METTL17: variants seen among roughly 807,000 people sequenced by gnomAD.
The protein encoded by METTL17 is ribosome assembly protein METTL17, mitochondrial.
METTL17 carries 49 observed loss-of-function variants against 59.4 expected under a neutral mutation model. The ratio of observed to expected loss-of-function variants is 0.82; its 90% CI spans 0.66 to 1.05. METTL17 has a LOEUF of 1.05. Ranked by LOEUF, METTL17 falls within the 50% of genes least tolerant of loss-of-function variation. METTL17 has a pLI of 0.00. For missense variants in METTL17, 555 were observed against 578.4 expected (o/e 0.96, Z 0.41); for synonymous variants, 208 against 209.2 (o/e 0.99, Z 0.05).
rs1010435727 is a variant in METTL17 at position 20,995,885 on chromosome 14, T to A, written c.946-16T>A. ...CCTTGGCCCAGCTTTATTTCTTTTA[T>A]TTCCTTTGATTTCAGGGAAAAGAGA... On this transcript the variant is annotated splice_polypyrimidine_tract_variant and intron_variant, in intron 10 of 13. Coordinates refer to ENST00000339374, the MANE Select transcript of METTL17 (RefSeq NM_022734.3). 48 of 1,613,222 alleles carry A rather than the reference T, an allele frequency of 3.0e-5. No individual in the cohort carries two copies. The highest frequency in any genetic ancestry group is 3.6e-5 in the Non-Finnish European group (43 of 1,179,276).
intron 10 of METTL17, among the ~76,000 whole-genome samples, 200 bp downstream of exon 10, chr14:20,995,433 C>T (rs892930192): frequency 6.6e-6 from 1 of 152,188 alleles, no homozygotes; most frequent in Non-Finnish European, 1.5e-5. Flanking sequence ...TTTATATAAG[C>T]CATGCTTATT....
At chr14:20,990,693 GTC>G in intron 3 of METTL17, 95 bp downstream of exon 3, 1 of 1,470,132 alleles carries the variant, frequency 6.8e-7, no homozygotes, top group Non-Finnish European at 9.2e-7. Context: ...AGATACTGAA[GTC>G]TCTTATTTGA....
Position 20,992,158 on chromosome 14 carries a change from A to C in METTL17, c.399A>C (p.Ala133=). The change falls in exon 4 of 14, where the codon GCA becomes GCC. Residue 133 remains alanine (A), a synonymous_variant. Transcript: ENST00000339374. ...AGACAGAGGAGAAACTTCGTGGAGC[A>C]GTGCTACACGCACTACGTAAAACTA... is the stretch of plus-strand genomic sequence containing the variant. ...LSQTEEKLRG[A]VLHALRKTTY... The C allele has an allele frequency of 6.2e-7, 1 of 1,612,714 alleles. No homozygotes were observed. The highest frequency in any genetic ancestry group is 8.5e-7 in the Non-Finnish European group (1 of 1,179,624).
chr14:20,994,150 G>T (rs1880217633), intron 7 of METTL17, 87 bp downstream of exon 7: 5 of 952,782 alleles, frequency 5.2e-6, no homozygotes, highest in East Asian at 2.4e-5. Flanking sequence ...GTAGAGAAGA[G>T]GGTAAAAATT....
At position 20,994,518 on chromosome 14, in the gene METTL17, C is replaced by G. The variant is rs370028790; in HGVS notation, c.698-25C>G. 2.7e-4 allele frequency: 430 copies of G among 1,601,882 alleles called. 2 individuals carry two copies. Among genetic ancestry groups the G allele is most frequent in the South Asian group, 1.7e-3 (150 of 90,734 alleles). On this transcript the variant is annotated intron_variant, in intron 7 of 13. Coordinates refer to ENST00000339374, the MANE Select transcript of METTL17 (RefSeq NM_022734.3). ...TTATACCTAACTTCCTACACACTCA[C>G]AGTTGCCTCTTCTTTTCTCCACAGG... is the stretch of plus-strand genomic sequence containing the variant.
intron 9 of METTL17, 89 bp from the exon 10 acceptor site, chr14:20,995,076 C>G: frequency 7.7e-7 from 1 of 1,296,556 alleles, no homozygotes; most frequent in East Asian, 2.3e-5. Context: ...AGGACTCCTT[C>G]TCCCTCTATG....
At chr14:20,995,120 T>A in intron 9 of METTL17, 45 bp from the exon 10 acceptor site, 3 of 1,551,270 alleles carry the variant, frequency 1.9e-6, no homozygotes, top group Non-Finnish European at 2.7e-6. Context: ...ATTTATACTT[T>A]CGTGTAATTC....
intron 6 of METTL17, 171 bp from the exon 7 acceptor site, chr14:20,993,798 T>G: frequency 6.9e-6 from 3 of 433,594 alleles, no homozygotes; most frequent in South Asian, 4.0e-5. Flanking sequence ...TTTTTAGGAG[T>G]TGTAAATAAA....
At chr14:20,993,792 T>C (rs1462517763) in intron 6 of METTL17, 177 bp from the exon 7 acceptor site, 2 of 427,382 alleles carry the variant, frequency 4.7e-6, no homozygotes, top group Non-Finnish European at 8.4e-6. Context: ...TTTTTTTTTT[T>C]AGGAGTTGTA....
At chr14:20,995,443 T>C (rs2771349) in intron 10 of METTL17, among the ~76,000 whole-genome samples, 145,122 of 152,340 alleles carry the variant, frequency 0.95, 69,422 homozygotes, top group Non-Finnish European at 1. Context: ...CCATGCTTAT[T>C]TGTGCCTCTG....
chr14:20,990,924 G>A (rs1412526261), intron 3 of METTL17, among the ~76,000 whole-genome samples: 6 of 152,002 alleles, frequency 3.9e-5, no homozygotes, highest in African/African-American at 1.5e-4. Context: ...TCCGCCTCCC[G>A]GGTTTAAGTG....
intron 12 of METTL17, 47 bp downstream of exon 12, chr14:20,996,339 A>T (rs754841396): frequency 1.3e-6 from 2 of 1,582,150 alleles, no homozygotes; most frequent in Admixed American, 3.4e-5. Context: ...TCCTGGAAAA[A>T]CAGGAAGAAA....
chr14:20,996,485 A>G lies in METTL17; in HGVS notation c.1081-42A>G, dbSNP rs567792924. ...AAGGGACTGTACAAACTTTTTTCCC[A>G]TATCTTTTTCTTCTAAACAGTCTCT... On this transcript the variant is annotated intron_variant, in intron 12 of 13. Transcript: ENST00000339374. 30 of 1,573,208 alleles carry G rather than the reference A, an allele frequency of 1.9e-5. No individual in the cohort carries two copies. The East Asian group carries it at 2.7e-4, about 14-fold the overall frequency.
At position 20,992,619 on chromosome 14, in the gene METTL17, T is replaced by C. The variant is rs1169987668; in HGVS notation, c.525T>C (p.His175=). The C allele has an allele frequency of 6.2e-7, 1 of 1,613,368 alleles. No individual in the cohort carries two copies. The highest frequency in any genetic ancestry group is 8.5e-7 in the Non-Finnish European group (1 of 1,179,280). ...GGFAAVSRAF[H]EIRARNPAFQ... is the part of the protein sequence containing the mutation. The stretch of plus-strand genomic sequence containing the variant: ...TTGCAGCAGTCTCCAGAGCATTCCA[T>C]GAGGTGAAAGTCCCTTAACTTCCAA... The change falls in exon 5 of 14, where the codon CAT becomes CAC. Residue 175 remains histidine, a synonymous_variant. Transcript: ENST00000339374.
chr14:20,993,229 A>G, intron 6 of METTL17, 38 bp downstream of exon 6: 2 of 1,558,486 alleles, frequency 1.3e-6, no homozygotes, highest in Non-Finnish European at 1.8e-6. Flanking sequence ...GGTCAATTTT[A>G]GCTCTAGAAA....
chr14:20,994,574 A>T lies in METTL17; in HGVS notation c.729A>T (p.Pro243=), dbSNP rs373040366. 6.2e-7 allele frequency: 1 copy of T among 1,614,068 alleles called. No individual in the cohort carries two copies. The highest frequency in any genetic ancestry group is 8.5e-7 in the Non-Finnish European group (1 of 1,180,036). The stretch of plus-strand genomic sequence containing the variant: ...CAGAATCTGGGGAGCCTTATATTCC[A>T]GGTGTCTTTTTCAGACAGTTTCTAC... ...GGSESGEPYI[P]GVFFRQFLPV... The change falls in exon 8 of 14, where the codon CCA becomes CCT. Residue 243 remains proline (P), a synonymous_variant. Coordinates refer to ENST00000339374, the MANE Select transcript of METTL17 (RefSeq NM_022734.3).
chr14:20,992,465 A>G, intron 4 of METTL17, 76 bp from the exon 5 acceptor site: 1 of 1,254,080 alleles, frequency 8.0e-7, no homozygotes, highest in Non-Finnish European at 1.2e-6. Context: ...CCAAGATGTC[A>G]TTTTCTAAAT....
chr14:20,996,671 CACATGCA>C lies in METTL17; in HGVS notation c.1226_1232del (p.His409ArgfsTer51). Reference sequence around the variant, plus strand: ...TTGTCACTTGTGCTGTCCAGATGGGCACATGCAGCATGCTGTGCTCACAGCCCGCCGG... The same window carrying C: ...TTGTCACTTGTGCTGTCCAGATGGGCGCATGCTGTGCTCACAGCCCGCCGG... On this transcript the variant is annotated frameshift_variant, in exon 13 of 14. Transcript: ENST00000339374. LOFTEE classifies it high-confidence loss of function. The C allele has an allele frequency of 6.2e-6, 10 of 1,614,214 alleles. No individual in the cohort carries two copies. Among genetic ancestry groups the C allele is most frequent in the Non-Finnish European group, 7.6e-6 (9 of 1,180,036 alleles).
Position 20,996,959 on chromosome 14 carries a change from G to A in METTL17, c.*69G>A. On this transcript the variant is annotated 3_prime_UTR_variant, in exon 14 of 14. Coordinates refer to ENST00000339374, the MANE Select transcript of METTL17 (RefSeq NM_022734.3). ...GCTGAAGCTGCCTGGTATCCAGGAG[G>A]GGAATGCTGGTATCCCCATATGTCT... 6.7e-7 allele frequency: 1 copy of A among 1,502,482 alleles called. No homozygotes were observed. The highest frequency in any genetic ancestry group is 1.8e-4 in the Middle Eastern group (1 of 5,644). 93.1% of individuals were successfully genotyped at this position (1,502,482 alleles called of 1,614,324 possible).
Sources: gnomAD v4.1 joint callset for allele counts (sites outside exome capture counted in the v4.1 genomes callset) on GRCh38, gnomAD v4.1.1 for gene constraint, MANE v1.5 for transcripts, NCBI Gene and HGNC (gene_info 2026-07-23, HGNC 2026-07-21) for gene names.